TRIP12: variants seen among roughly 807,000 people sequenced by gnomAD.
TRIP12 encodes the protein thyroid hormone receptor interactor 12, also known as E3 ubiquitin-protein ligase TRIP12.
TRIP12 carries 25 observed loss-of-function variants against 244.2 expected under a neutral mutation model. The ratio of observed to expected loss-of-function variants is 0.10; its 90% confidence interval spans 0.07 to 0.14. TRIP12 has a LOEUF of 0.14. Among genes scored for constraint, TRIP12 ranks in the 10% least tolerant of loss-of-function variants. The pLI, the probability that TRIP12 is intolerant of heterozygous loss-of-function variation, is 1.00. For missense variants in TRIP12, 1,677 were observed against 2,486.4 expected (o/e 0.67, Z 6.92); for synonymous variants, 905 against 873.1 (o/e 1.04, Z -0.64).
chr2:229,875,449 C>T (rs2063415451), intron 2 of TRIP12, among the ~76,000 whole-genome samples: 1 of 152,138 alleles, frequency 6.6e-6, no homozygotes, highest in Non-Finnish European at 1.5e-5. Context: ...AAAAGTGCTA[C>T]TTAAATTCAA....
At position 229,778,799 on chromosome 2, in the gene TRIP12, AAT is replaced by A. The variant is rs1462836394; in HGVS notation, c.5209+75_5209+76del. The A allele has an allele frequency of 1.9e-5, 27 of 1,405,130 alleles. No individual in the cohort carries two copies. The highest frequency in any genetic ancestry group is 2.7e-5 in the Non-Finnish European group (27 of 1,005,750). The allele number at this position is 1,405,130 out of a possible 1,614,324, so 87.0% of individuals were successfully genotyped here. On this transcript the variant is annotated intron_variant, in intron 35 of 41. Coordinates refer to ENST00000675903, the MANE Select transcript of TRIP12 (RefSeq NM_001348323.3). The surrounding 1 kb of genome is among the most constrained non-coding windows in gnomAD (Gnocchi z 4.1). ...AAGTACAGCTGTCCATTAGAAATTA[AAT>A]ATGTCTAATAAACTGTCAGAGTCCA...
rs1227039530 is a variant in TRIP12 at position 229,813,745 on chromosome 2, C to T, written c.1986+125G>A. The T allele has an allele frequency of 2.5e-5, 16 of 642,996 alleles. 1 individual carries two copies. In the Admixed American group the frequency reaches 6.9e-4, roughly 28 times the overall value. 39.8% of individuals were successfully genotyped at this position (642,996 alleles called of 1,614,324 possible). On this transcript the variant is annotated intron_variant, in intron 13 of 41. Coordinates refer to ENST00000675903, the MANE Select transcript of TRIP12 (RefSeq NM_001348323.3). ...GTGGCAGTGAGCTGAGATCACACCA[C>T]TGCACTCTAGCCTGGGTAACAGAGC...
At chr2:229,811,243 A>T in intron 13 of TRIP12, 39 bp from the exon 14 acceptor site, 2 of 1,583,518 alleles carry the variant, frequency 1.3e-6, no homozygotes, top group Non-Finnish European at 1.7e-6. Context: ...TTATTAGCAT[A>T]AAGCATTTTC....
intron 16 of TRIP12, 152 bp from the exon 17 acceptor site, chr2:229,808,016 A>C: frequency 1.1e-6 from 1 of 871,992 alleles, no homozygotes; most frequent in Non-Finnish European, 1.7e-6. Context: ...CCCAGGCTGG[A>C]TGGCAGTGGC....
intron 8 of TRIP12, among the ~76,000 whole-genome samples, chr2:229,822,736 G>A (rs1244232176): frequency 6.6e-6 from 1 of 151,764 alleles, no homozygotes; most frequent in Non-Finnish European, 1.5e-5. Context: ...TTAAGTGGGG[G>A]AAAAAAAGAC....
rs146447486 is a variant in TRIP12 at position 229,908,172 on chromosome 2, C to T, written c.-50+13708G>A. On this transcript the variant is annotated intron_variant, in intron 1 of 41. Transcript: ENST00000675903. ...GGAAGGATTCAACACAGGTTAGTTGCTAATATTATTCAAGATGCCTTTTCT... is the reference window on the plus strand; with the variant it reads ...GGAAGGATTCAACACAGGTTAGTTGTTAATATTATTCAAGATGCCTTTTCT... 9.7e-4 allele frequency among the ~76,000 whole-genome samples: 147 copies of T among 152,278 alleles called. 1 individual carries two copies. Among genetic ancestry groups the T allele is most frequent in the African/African-American group, 3.4e-3 (143 of 41,556 alleles).
intron 15 of TRIP12, among the ~76,000 whole-genome samples, chr2:229,810,368 AAATTTGAAAGGTTT>A (rs1485860639): frequency 5.9e-5 from 9 of 152,230 alleles, no homozygotes; most frequent in Admixed American, 3.3e-4. Context: ...ATACCTTTCT[AAATTTGAAAGGTTT>A]AATTTGAAAG....
chr2:229,803,857 GAATATA>G, intron 19 of TRIP12, 136 bp downstream of exon 19: 1 of 842,340 alleles, frequency 1.2e-6, no homozygotes, highest in Non-Finnish European at 1.8e-6. Flanking sequence ...GCTATTATGT[GAATATA>G]AATAGACAAA....
At chr2:229,826,751 T>C (rs1353460362) in intron 8 of TRIP12, among the ~76,000 whole-genome samples, 2 of 152,284 alleles carry the variant, frequency 1.3e-5, no homozygotes, top group Middle Eastern at 3.4e-3. Flanking sequence ...AATGCGTATT[T>C]GTATATGTTA....
chr2:229,911,173 C>A (rs1207136124), intron 1 of TRIP12, among the ~76,000 whole-genome samples: 1 of 152,190 alleles, frequency 6.6e-6, no homozygotes, highest in African/African-American at 2.4e-5. Context: ...TATTTTTATT[C>A]TAAAGTCCAC....
At position 229,765,205 on chromosome 2, in the gene TRIP12, CAAAAAAT is replaced by C. The variant is rs2031395378; in HGVS notation, c.*2342_*2348del. The C allele has an allele frequency of 6.6e-6, 1 of 152,010 alleles. No homozygotes were observed. The highest frequency in any genetic ancestry group is 2.4e-5 in the African/African-American group (1 of 41,366). 9.4% of individuals were successfully genotyped at this position (152,010 alleles called of 1,614,324 possible). A position where few individuals can be genotyped will look rare whatever the true frequency, so the allele number is the denominator to read the frequency against. On this transcript the variant is annotated 3_prime_UTR_variant, in exon 42 of 42. Transcript: ENST00000675903. ...TAACATCTGACTGACTCCATCTCAG[CAAAAAAT>C]AAAGGACAACAAAATCTCAGTTGTT... is the stretch of plus-strand genomic sequence containing the variant.
intron 13 of TRIP12, 121 bp from the exon 14 acceptor site, chr2:229,811,325 C>T: frequency 9.7e-7 from 1 of 1,025,890 alleles, no homozygotes; most frequent in African/African-American, 1.6e-5. Flanking sequence ...TAGTAAATGA[C>T]AGCTTTGAAA....
intron 1 of TRIP12, among the ~76,000 whole-genome samples, chr2:229,911,500 AG>A (rs1164273063): frequency 6.6e-6 from 1 of 152,236 alleles, no homozygotes; most frequent in Admixed American, 6.5e-5. Context: ...TGTGCTAGAT[AG>A]GAAGAGTATG....
At chr2:229,906,855 A>C (rs1277370674) in intron 1 of TRIP12, among the ~76,000 whole-genome samples, 1 of 152,216 alleles carries the variant, frequency 6.6e-6, no homozygotes, top group African/African-American at 2.4e-5. Flanking sequence ...ATCTGAGACT[A>C]TATCAAAATA....
intron 4 of TRIP12, among the ~76,000 whole-genome samples, chr2:229,851,549 G>A (rs183637211): frequency 2.6e-4 from 40 of 152,216 alleles, no homozygotes; most frequent in African/African-American, 7.7e-4. Flanking sequence ...CAACCCGCTC[G>A]GGTCCCCTTC....
chr2:229,819,932 T>C (rs1267274356), intron 8 of TRIP12, among the ~76,000 whole-genome samples: 1 of 152,230 alleles, frequency 6.6e-6, no homozygotes, highest in Non-Finnish European at 1.5e-5. Context: ...CTGCATTCCA[T>C]AGCTATCGCT....
intron 17 of TRIP12, 104 bp downstream of exon 17, chr2:229,807,604 C>G (rs1301449642): frequency 7.2e-7 from 1 of 1,395,642 alleles, no homozygotes; most frequent in Non-Finnish European, 1.0e-6. Flanking sequence ...TGAGTTAATT[C>G]AAAATCAAGC....
intron 1 of TRIP12, among the ~76,000 whole-genome samples, chr2:229,911,882 A>G (rs1457106846): frequency 6.6e-6 from 1 of 152,208 alleles, no homozygotes; most frequent in Admixed American, 6.5e-5. Context: ...AGAAAAAAAA[A>G]ACCAGAAGTA....
chr2:229,766,051 G>C lies in TRIP12; in HGVS notation c.*1503C>G, dbSNP rs2031612687. 1.3e-5 allele frequency: 2 copies of C among 151,950 alleles called. No homozygotes were observed. The highest frequency in any genetic ancestry group is 4.1e-4 in the South Asian group (2 of 4,822). 9.4% of individuals were successfully genotyped at this position (151,950 alleles called of 1,614,324 possible). On this transcript the variant is annotated 3_prime_UTR_variant, in exon 42 of 42. Coordinates refer to ENST00000675903, the MANE Select transcript of TRIP12 (RefSeq NM_001348323.3). ...TGGTGGGATAGGGAAAAGGGCTTTT[G>C]TGTCAATTAATTAAAACTTACAGAA...
Sources: allele counts gnomAD v4.1 joint callset (sites outside exome capture counted in the v4.1 genomes callset), GRCh38; gene constraint gnomAD v4.1.1; non-coding constraint Gnocchi (gnomAD v3.1); transcripts MANE v1.5; gene names NCBI Gene and HGNC (gene_info 2026-07-23, HGNC 2026-07-21).